GNB4: variants seen among roughly 807,000 people sequenced by gnomAD.
GNB4 encodes the protein G protein subunit beta 4.
Under a neutral mutation model 45.2 loss-of-function variants are expected in GNB4, and 28 were observed. That is an observed-to-expected ratio of 0.62 (90% confidence interval 0.46 to 0.85). GNB4 has a LOEUF of 0.85. Among genes scored for constraint, GNB4 ranks in the 40% least tolerant of loss-of-function variants. The pLI, the probability that GNB4 is intolerant of heterozygous loss-of-function variation, is 0.00. For missense variants in GNB4, 321 were observed against 425.4 expected (o/e 0.75, Z 2.16); for synonymous variants, 132 against 143.7 (o/e 0.92, Z 0.58).
chr3:179,402,657 T>G (rs1290132545), intron 9 of GNB4, among the ~76,000 whole-genome samples: 1 of 152,182 alleles, frequency 6.6e-6, no homozygotes, highest in Non-Finnish European at 1.5e-5. Flanking sequence ...GTGGCAACTG[T>G]GTTAATGAAC....
intron 9 of GNB4, among the ~76,000 whole-genome samples, chr3:179,404,037 G>A (rs375470247): frequency 6.6e-6 from 1 of 151,850 alleles, no homozygotes; most frequent in Non-Finnish European, 1.5e-5. Context: ...CACAATGAAC[G>A]AAAATGGATC....
chr3:179,486,035 C>T, the GNB4 span, among the ~76,000 whole-genome samples: 2 of 152,044 alleles, frequency 1.3e-5, no homozygotes, highest in African/African-American at 2.4e-5. Flanking sequence ...CCAGCCTGGC[C>T]AAGATGGTGA....
chr3:179,517,714 A>T, the GNB4 span, among the ~76,000 whole-genome samples: 1 of 152,008 alleles, frequency 6.6e-6, no homozygotes, highest in Non-Finnish European at 1.5e-5. Context: ...GCCACACTTC[A>T]ATCTCTCCTT....
chr3:179,496,279 G>A, the GNB4 span, among the ~76,000 whole-genome samples: 7 of 152,058 alleles, frequency 4.6e-5, no homozygotes, highest in East Asian at 1.2e-3. Flanking sequence ...TTTCCTGTAA[G>A]CCTTATGGTA....
the GNB4 span, chr3:179,464,529 G>T: frequency 6.2e-7 from 1 of 1,609,938 alleles, no homozygotes; most frequent in African/African-American, 1.3e-5. Context: ...AGAGTGGGTG[G>T]CCTCAGGCGA....
chr3:179,483,573 A>G, the GNB4 span, among the ~76,000 whole-genome samples: 105 of 152,284 alleles, frequency 6.9e-4, no homozygotes, highest in African/African-American at 2.4e-3. Flanking sequence ...CCCTTCTTCA[A>G]TTCAGTGGGG....
At chr3:179,482,566 G>A in the GNB4 span, among the ~76,000 whole-genome samples, 7 of 151,980 alleles carry the variant, frequency 4.6e-5, no homozygotes, top group African/African-American at 1.7e-4. Context: ...ATAACTCCCT[G>A]CCCCCACTAA....
the GNB4 span, among the ~76,000 whole-genome samples, chr3:179,491,185 T>C: frequency 6.6e-6 from 1 of 152,144 alleles, no homozygotes; most frequent in East Asian, 1.9e-4. Flanking sequence ...TTTACAAAGA[T>C]GAATAAGAAA....
chr3:179,469,847 G>A, the GNB4 span, among the ~76,000 whole-genome samples: 1 of 152,198 alleles, frequency 6.6e-6, no homozygotes. Context: ...CTAATGTTAA[G>A]ATGGTTACAA....
At chr3:179,425,022 T>C (rs1715102447) in intron 2 of GNB4, among the ~76,000 whole-genome samples, 1 of 152,244 alleles carries the variant, frequency 6.6e-6, no homozygotes, top group East Asian at 1.9e-4. Context: ...CTTACCCTTG[T>C]ACGTTGCTTT....
At position 179,418,447 on chromosome 3, in the gene GNB4, G is replaced by A. The variant is rs1577030467; in HGVS notation, c.203+952C>T. Among the ~76,000 whole-genome samples the A allele has an allele frequency of 3.2e-5, 4 of 126,908 alleles. No homozygotes were observed. The Admixed American group carries it at 3.8e-4, about 12-fold the overall frequency. 83.3% of individuals were successfully genotyped at this position (126,908 alleles called of 152,430 possible). A position where few individuals can be genotyped will look rare whatever the true frequency, so the allele number is the denominator to read the frequency against. ...ACCACACCATTGTACTCCAGCCTGG[G>A]CAACAAGAGTGAAACTCTGTCTCAA... On this transcript the variant is annotated intron_variant, in intron 4 of 9. Coordinates refer to ENST00000232564, the MANE Select transcript of GNB4 (RefSeq NM_021629.4).
chr3:179,508,932 G>GTA, the GNB4 span, among the ~76,000 whole-genome samples: 12,699 of 102,308 alleles, frequency 0.12, 1,056 homozygotes, highest in Middle Eastern at 0.2. Context: ...TTCAGCATGT[G>GTA]TATATATATA....
At chr3:179,502,670 T>C in the GNB4 span, among the ~76,000 whole-genome samples, 6 of 152,296 alleles carry the variant, frequency 3.9e-5, no homozygotes, top group Admixed American at 3.9e-4. Context: ...TAGCCTGTAG[T>C]CTATCTTTCT....
the GNB4 span, among the ~76,000 whole-genome samples, chr3:179,483,987 A>G: frequency 4.6e-5 from 7 of 152,216 alleles, no homozygotes; most frequent in Admixed American, 3.9e-4. Context: ...TGCAGAATCT[A>G]GAGCTCAAAA....
chr3:179,406,124 G>A (rs915754202), intron 8 of GNB4, among the ~76,000 whole-genome samples: 1 of 151,978 alleles, frequency 6.6e-6, no homozygotes, highest in African/African-American at 2.4e-5. Flanking sequence ...TATAGTTTTT[G>A]CTCCAATTCT....
At chr3:179,424,809 A>G (rs1048495211) in intron 2 of GNB4, among the ~76,000 whole-genome samples, 3 of 151,732 alleles carry the variant, frequency 2.0e-5, no homozygotes, top group Non-Finnish European at 4.4e-5. Context: ...GGATCTCCCT[A>G]TGTTGCCCAG....
intron 2 of GNB4, among the ~76,000 whole-genome samples, chr3:179,422,575 G>A (rs1027055678): frequency 6.6e-6 from 1 of 151,984 alleles, no homozygotes; most frequent in Non-Finnish European, 1.5e-5. Flanking sequence ...AATCTGGTAA[G>A]ATATTTGTGC....
At chr3:179,467,397 TCTTGGAAGTATAC>T in the GNB4 span, among the ~76,000 whole-genome samples, 2 of 152,274 alleles carry the variant, frequency 1.3e-5, no homozygotes, top group African/African-American at 4.8e-5. Flanking sequence ...GAGTTTTACC[TCTTGGAAGTATAC>T]CTTGGAAGGG....
At chr3:179,453,892 T>G (rs1449947763), upstream of GNB4, among the ~76,000 whole-genome samples, 2 of 151,988 alleles carry the variant, frequency 1.3e-5, no homozygotes, top group Non-Finnish European at 2.9e-5. Flanking sequence ...AAGCCTATAC[T>G]GAAAATCTGA....
Sources: gnomAD v4.1 joint callset for allele counts (sites outside exome capture counted in the v4.1 genomes callset) on GRCh38, gnomAD v4.1.1 for gene constraint, MANE v1.5 for transcripts, NCBI Gene and HGNC (gene_info 2026-07-23, HGNC 2026-07-21) for gene names.